The following HIPK4 variants were observed in gnomAD, a reference collection of about 807,000 sequenced individuals.
HIPK4 encodes homeodomain-interacting protein kinase 4.
HIPK4 carries 26 observed loss-of-function variants against 44.8 expected under a neutral mutation model. The ratio of observed to expected loss-of-function variants is 0.58; its 90% confidence interval spans 0.43 to 0.80. HIPK4 has a LOEUF of 0.80. Among genes scored for constraint, HIPK4 ranks in the 30% least tolerant of loss-of-function variants. The pLI is 0.00. For synonymous variants in HIPK4, 340 were observed against 355.5 expected, an observed-to-expected ratio of 0.96 and a Z score of 0.49; for missense variants, 729 against 862.6, an observed-to-expected ratio of 0.85 and a Z score of 1.94.
At position 40,381,009 on chromosome 19, in the gene HIPK4, G is replaced by C. The variant is rs775846215; in HGVS notation, c.982C>G (p.Leu328Val). Residue 328 changes from leucine to valine, a missense_variant, in exon 3 of 4, where the codon CTG (leucine) becomes GTG (valine). This residue lies in a region of HIPK4 where 533 missense variants were observed against 567.5 expected (regional missense o/e 0.94). Coordinates refer to ENST00000291823, the MANE Select transcript of HIPK4 (RefSeq NM_144685.5). ...KSMVELIKRMLTWESHERISP... is the reference protein window; with the variant it reads ...KSMVELIKRMVTWESHERISP... ...ATGCGTTCGTGTGACTCCCAGGTCA[G>C]CATGCGCTTGATCAGCTCCACCATG... The C allele has an allele frequency of 3.7e-6, 6 of 1,613,420 alleles. No homozygotes were observed.
At chr19:40,384,677 T>C (rs2079355087) in intron 1 of HIPK4, among the ~76,000 whole-genome samples, 1 of 145,554 alleles carries the variant, frequency 6.9e-6, no homozygotes, top group Non-Finnish European at 1.5e-5. Context: ...AGTGGCGCAA[T>C]CTTGGCTCAT....
In HIPK4 at chr19:40,380,526, G is replaced by A. The variant is rs1380910310; in HGVS notation, c.1465C>T (p.Arg489Cys). ...GACTTGGAACCCGCAGGTGGCTTGC[G>A]GGCCTTGTGGCGGCCTGCCAGGCGG... ...SSRLAGRHKA[R>C]KPPAGSKSDS... is the part of the protein sequence containing the mutation. The change falls in exon 3 of 4, where the codon CGC (arginine) becomes TGC (cysteine). Residue 489 changes from arginine (R) to cysteine (C), a missense_variant. Transcript: ENST00000291823. The surrounding 1 kb of genome is among the most constrained non-coding windows in gnomAD (Gnocchi z 4.2). 5 of 1,612,134 alleles carry A rather than the reference G, an allele frequency of 3.1e-6. No homozygotes were observed. The highest frequency in any genetic ancestry group is 1.7e-5 in the Admixed American group (1 of 60,028).
chr19:40,388,316 C>G (rs996130902), intron 1 of HIPK4, among the ~76,000 whole-genome samples: 11 of 152,210 alleles, frequency 7.2e-5, no homozygotes, highest in Non-Finnish European at 1.5e-4. Context: ...CCGCACCTGG[C>G]CATCCCTCAC....
intron 1 of HIPK4, among the ~76,000 whole-genome samples, chr19:40,384,683 C>T (rs112233874): frequency 0.018 from 2,602 of 147,600 alleles, 36 homozygotes; most frequent in Middle Eastern, 0.056. Flanking sequence ...GCAATCTTGG[C>T]TCATTGCAAC....
intron 1 of HIPK4, among the ~76,000 whole-genome samples, chr19:40,387,384 C>A (rs1010803803): frequency 6.6e-6 from 1 of 152,132 alleles, no homozygotes; most frequent in Non-Finnish European, 1.5e-5. Context: ...ACCAACATTG[C>A]GAATGGCCGA....
rs371633633 is a variant in HIPK4, at chr19:40,389,518, C to G, written c.385G>C (p.Glu129Gln). 2.7e-5 allele frequency: 43 copies of G among 1,613,572 alleles called. No individual in the cohort carries two copies. The highest frequency in any genetic ancestry group is 3.6e-5 in the Non-Finnish European group (43 of 1,179,812). ...AGATCAGCGTGGATGATAGCCAGCT[C>G]CTTGAGCCGGGCCAGGGCTGTGAGC... Reference protein sequence around the residue: ...QVLTALARLKELAIIHADLKP... With the variant: ...QVLTALARLKQLAIIHADLKP... Residue 129 changes from glutamate to glutamine, a missense_variant, in exon 1 of 4, where the codon GAG (glutamate) becomes CAG (glutamine). Glu to Gln is a conservative substitution (Grantham distance 29). This residue lies in a region of HIPK4 where 196 missense variants were observed against 295.1 expected (regional missense o/e 0.66). Coordinates refer to ENST00000291823, the MANE Select transcript of HIPK4 (RefSeq NM_144685.5). This position sits in a 1 kb window ranked among gnomAD's most constrained non-coding sequence, Gnocchi z 4.6.
chr19:40,387,014 C>T (rs1179228986), intron 1 of HIPK4, among the ~76,000 whole-genome samples: 1 of 151,952 alleles, frequency 6.6e-6, no homozygotes, highest in Non-Finnish European at 1.5e-5. Flanking sequence ...GCCACCATGC[C>T]CAGCTAATTT....
At chr19:40,388,110 G>A (rs553903809) in intron 1 of HIPK4, among the ~76,000 whole-genome samples, 6 of 147,654 alleles carry the variant, frequency 4.1e-5, no homozygotes, top group East Asian at 2.2e-4. Flanking sequence ...TCTGCCTCCC[G>A]GGTTCTAAGC....
rs1568695880 is a variant in HIPK4 at position 40,384,144 on chromosome 19, CGG to C, written c.466-7_466-6del. 1 of 1,564,684 alleles carries C rather than the reference CGG, an allele frequency of 6.4e-7. No homozygotes were observed. Among genetic ancestry groups the C allele is most frequent in the Admixed American group, 1.7e-5 (1 of 57,418 alleles). On this transcript the variant is annotated splice_polypyrimidine_tract_variant and splice_region_variant and intron_variant, in intron 1 of 3. Transcript: ENST00000291823. ...GGCGGATCCGAAGTCAATCACCTGT[CGG>C]GGGTGGGGAAGAGGGCGAGTGGGCA...
At position 40,389,843 on chromosome 19, in the gene HIPK4, C is replaced by T; in HGVS notation, c.60G>A (p.Gly20=). The T allele has an allele frequency of 6.2e-7, 1 of 1,613,706 alleles. No individual in the cohort carries two copies. Among genetic ancestry groups the T allele is most frequent in the South Asian group, 1.1e-5 (1 of 91,084 alleles). Residue 20 remains glycine (G), a synonymous_variant, in exon 1 of 4, where the codon GGG becomes GGA. Coordinates refer to ENST00000291823, the MANE Select transcript of HIPK4 (RefSeq NM_144685.5). This position sits in a 1 kb window ranked among gnomAD's most constrained non-coding sequence, Gnocchi z 4.6. ...CYDIIEVLGK[G]TFGEVAKGWR... Reference sequence around the variant, plus strand: ...AGCCCTTGGCTACCTCCCCGAAGGTCCCCTTGCCCAAGACCTCGATGATGT... The same window carrying T: ...AGCCCTTGGCTACCTCCCCGAAGGTTCCCTTGCCCAAGACCTCGATGATGT...
chr19:40,388,856 T>C (rs538906827), intron 1 of HIPK4, among the ~76,000 whole-genome samples: 1 of 152,302 alleles, frequency 6.6e-6, no homozygotes, highest in African/African-American at 2.4e-5. Context: ...GAGACCAGCC[T>C]GGGCAACATG....
chr19:40,389,486 A>G lies in HIPK4; in HGVS notation c.417T>C (p.Pro139=), dbSNP rs763185375. 17 of 1,609,114 alleles carry G rather than the reference A, an allele frequency of 1.1e-5. No homozygotes were observed. The East Asian group carries it at 3.6e-4, about 34-fold the overall frequency. Residue 139 remains proline (P), a synonymous_variant, in exon 1 of 4, where the codon CCT becomes CCC. Coordinates refer to ENST00000291823, the MANE Select transcript of HIPK4 (RefSeq NM_144685.5). The surrounding 1 kb of genome is among the most constrained non-coding windows in gnomAD (Gnocchi z 4.6). The part of the protein sequence containing the change: ...ELAIIHADLK[P]ENIMLVDQTR... ...TCTGGTCCACCAGCATGATGTTCTC[A>G]GGCTTGAGATCAGCGTGGATGATAG...
At chr19:40,381,224 G>A (rs1167384482) in intron 2 of HIPK4, 56 bp from the exon 3 acceptor site, 2 of 1,419,874 alleles carry the variant, frequency 1.4e-6, no homozygotes, top group East Asian at 2.3e-5. Flanking sequence ...CTAGGGCCCT[G>A]GGCACTCCTG....
At chr19:40,386,578 C>T (rs2079364392) in intron 1 of HIPK4, among the ~76,000 whole-genome samples, 1 of 152,142 alleles carries the variant, frequency 6.6e-6, no homozygotes, top group Admixed American at 6.5e-5. Context: ...AGGATGGCTC[C>T]TGGGCTCAAG....
At chr19:40,382,872 C>A (rs2079343737) in intron 2 of HIPK4, among the ~76,000 whole-genome samples, 1 of 150,884 alleles carries the variant, frequency 6.6e-6, no homozygotes, top group African/African-American at 2.4e-5. Flanking sequence ...ATGGTAAAAC[C>A]CCGTCTCTAG....
intron 3 of HIPK4, among the ~76,000 whole-genome samples, chr19:40,379,996 G>A (rs2079323217): frequency 6.6e-6 from 1 of 152,110 alleles, no homozygotes; most frequent in South Asian, 2.1e-4. Context: ...GACTACAGGT[G>A]CATGCCACCA....
intron 2 of HIPK4, among the ~76,000 whole-genome samples, chr19:40,382,017 G>A (rs1288577177): frequency 6.6e-6 from 1 of 151,808 alleles, no homozygotes; most frequent in African/African-American, 2.4e-5. Context: ...TGTTGGCCAG[G>A]CTGTTCTCGA....
rs1447032352 is a variant in HIPK4 at position 40,380,998 on chromosome 19, C to G, written c.993G>C (p.Glu331Asp). The part of the protein sequence containing the change: ...VELIKRMLTW[E>D]SHERISPSAA... The stretch of plus-strand genomic sequence containing the variant: ...CACTGGGGCTGATGCGTTCGTGTGA[C>G]TCCCAGGTCAGCATGCGCTTGATCA... Residue 331 changes from glutamate (E) to aspartate (D), a missense_variant, in exon 3 of 4, where the codon GAG (glutamate) becomes GAC (aspartate). This residue lies in a region of HIPK4 where 533 missense variants were observed against 567.5 expected (regional missense o/e 0.94). Transcript: ENST00000291823. The surrounding 1 kb of genome is among the most constrained non-coding windows in gnomAD (Gnocchi z 4.2). 6.2e-7 allele frequency: 1 copy of G among 1,613,366 alleles called. No individual in the cohort carries two copies.
In HIPK4 at chr19:40,390,162, G is replaced by C; in HGVS notation, c.-260C>G. 1.9e-6 allele frequency: 1 copy of C among 518,810 alleles called. No homozygotes were observed. 32.1% of individuals were successfully genotyped at this position (518,810 alleles called of 1,614,324 possible). On this transcript the variant is annotated 5_prime_UTR_variant, in exon 1 of 4. Coordinates refer to ENST00000291823, the MANE Select transcript of HIPK4 (RefSeq NM_144685.5). ...TGAGGGGCCCCAGGCCCCACCGAATGGGTTCCAGCGCTGTTGAGTGGCTCT... is the reference window on the plus strand; with the variant it reads ...TGAGGGGCCCCAGGCCCCACCGAATCGGTTCCAGCGCTGTTGAGTGGCTCT...
Sources: gnomAD v4.1 joint callset for allele counts (sites outside exome capture counted in the v4.1 genomes callset) on GRCh38, gnomAD v4.1.1 for gene constraint, gnomAD v4.1.1 regional missense constraint, Gnocchi (gnomAD v3.1) non-coding constraint, MANE v1.5 for transcripts, NCBI Gene and HGNC (gene_info 2026-07-23, HGNC 2026-07-21) for gene names.